Variants in ATG4C observed in about 807,000 individuals in gnomAD.
ATG4C encodes the protein cysteine protease ATG4C.
In ATG4C, 56 loss-of-function variants were observed where a neutral mutation model predicts 57.6. That is an observed-to-expected ratio of 0.97 (90% CI 0.78 to 1.21). The LOEUF (loss-of-function observed/expected upper bound fraction) is 1.21, where lower values mean the gene tolerates loss of function less well. Among genes scored for constraint, ATG4C ranks in the 50% most tolerant of loss-of-function variants. The pLI is 0.00. For synonymous variants in ATG4C, 157 were observed against 174.1 expected (o/e 0.90, Z 0.78); for missense variants, 595 against 529.8 (o/e 1.12, Z -1.21).
chr1:62,829,408 A>G (rs1279216667), intron 7 of ATG4C, among the ~76,000 whole-genome samples: 1 of 152,124 alleles, frequency 6.6e-6, no homozygotes, highest in African/African-American at 2.4e-5. Flanking sequence ...GTAGCTAATC[A>G]GGGAGACACA....
At chr1:62,823,088 G>A (rs763186809) in intron 6 of ATG4C, among the ~76,000 whole-genome samples, 29 of 152,142 alleles carry the variant, frequency 1.9e-4, no homozygotes, top group African/African-American at 3.1e-4. Context: ...CCCTGAAGGC[G>A]GAGTTGCAGT....
chr1:62,828,347 C>T (rs928442459), intron 6 of ATG4C, among the ~76,000 whole-genome samples: 6 of 152,150 alleles, frequency 3.9e-5, no homozygotes, highest in African/African-American at 1.4e-4. Flanking sequence ...GCCATTCTGA[C>T]TGGTGTGAGA....
At chr1:62,825,234 TA>T (rs71045856) in intron 6 of ATG4C, among the ~76,000 whole-genome samples, 28,287 of 126,472 alleles carry the variant, frequency 0.22, 3,734 homozygotes, top group African/African-American at 0.41. Context: ...AGACTCCGTC[TA>T]AAAAAAAAAA....
At chr1:62,808,324 G>T (rs1160442579) in intron 3 of ATG4C, among the ~76,000 whole-genome samples, 1 of 152,174 alleles carries the variant, frequency 6.6e-6, no homozygotes, top group Non-Finnish European at 1.5e-5. Context: ...GATAGTGTTG[G>T]TAACCAAAAG....
intron 3 of ATG4C, among the ~76,000 whole-genome samples, chr1:62,808,325 T>C (rs1002884239): frequency 3.3e-5 from 5 of 152,148 alleles, no homozygotes; most frequent in African/African-American, 9.7e-5. Flanking sequence ...ATAGTGTTGG[T>C]AACCAAAAGT....
intron 10 of ATG4C, among the ~76,000 whole-genome samples, chr1:62,847,312 G>A (rs191810034): frequency 4.9e-4 from 74 of 152,312 alleles, no homozygotes; most frequent in Middle Eastern, 3.4e-3. Context: ...TGTTCATTTT[G>A]TTGAATGTCT....
intron 10 of ATG4C, among the ~76,000 whole-genome samples, chr1:62,858,774 TAA>T (rs2100366463): frequency 6.6e-6 from 1 of 152,310 alleles, no homozygotes; most frequent in South Asian, 2.1e-4. Context: ...AGTATTTTTT[TAA>T]GAGAGTGTTT....
intron 6 of ATG4C, among the ~76,000 whole-genome samples, chr1:62,823,167 T>C (rs1441208014): frequency 6.6e-6 from 1 of 152,148 alleles, no homozygotes; most frequent in Non-Finnish European, 1.5e-5. Flanking sequence ...AAAACATTTC[T>C]AACCCTACCT....
chr1:62,790,327 A>C lies in ATG4C; in HGVS notation c.-69+6054A>C, dbSNP rs116298801. Among the ~76,000 whole-genome samples the C allele has an allele frequency of 4.9e-3, 747 of 152,328 alleles. 9 individuals carry two copies. The highest frequency in any genetic ancestry group is 0.017 in the African/African-American group (715 of 41,570). ...TTCCTGTTTATATCTCTGTTTTCCC[A>C]AAGAGAGAATTCTGATTCTCAATTA... On this transcript the variant is annotated intron_variant, in intron 1 of 10. Transcript: ENST00000317868.
In ATG4C at chr1:62,790,801, A is replaced by G. The variant is rs114954308; in HGVS notation, c.-69+6528A>G. On this transcript the variant is annotated intron_variant, in intron 1 of 10. Transcript: ENST00000317868. ...ATATTTAAAATTAGGAGTGCAAGAA[A>G]AGTGACATCAAGTGATTCCATTTGT... Among the ~76,000 whole-genome samples, 1,379 of 152,342 alleles carry G rather than the reference A, an allele frequency of 9.1e-3. 21 individuals carry two copies. Among genetic ancestry groups the G allele is most frequent in the African/African-American group, 0.031 (1,299 of 41,588 alleles).
At chr1:62,785,648 A>G (rs1268941395) in intron 1 of ATG4C, among the ~76,000 whole-genome samples, 6 of 152,178 alleles carry the variant, frequency 3.9e-5, no homozygotes, top group Admixed American at 2.6e-4. Flanking sequence ...ATGAGTTTGC[A>G]GCTCGTTTTC....
intron 10 of ATG4C, among the ~76,000 whole-genome samples, chr1:62,861,297 A>T (rs1487291703): frequency 9.2e-5 from 14 of 152,106 alleles, no homozygotes; most frequent in Non-Finnish European, 2.9e-5. Flanking sequence ...TGTAATCCCA[A>T]CACTTTGGGA....
chr1:62,793,172 C>T (rs966314015), intron 1 of ATG4C, among the ~76,000 whole-genome samples: 1 of 151,958 alleles, frequency 6.6e-6, no homozygotes, highest in African/African-American at 2.4e-5. Flanking sequence ...AGGCGTGAGC[C>T]ACCGCGCCCG....
At chr1:62,847,995 C>T (rs1023539504) in intron 10 of ATG4C, among the ~76,000 whole-genome samples, 1 of 152,176 alleles carries the variant, frequency 6.6e-6, no homozygotes, top group African/African-American at 2.4e-5. Context: ...AATAATCTTC[C>T]TCCCTACCTC....
rs768820355 is a variant in ATG4C, at chr1:62,864,134, G to A, written c.1352G>A (p.Ser451Asn). The A allele has an allele frequency of 8.7e-6, 14 of 1,603,474 alleles. No homozygotes were observed. The highest frequency in any genetic ancestry group is 1.1e-5 in the Non-Finnish European group (13 of 1,176,796). ...GAAAAGAAACAATTAAAAAGATTTAGCACGGAAGAGTTTGTCTTGCTTTAA... is the reference window on the plus strand; with the variant it reads ...GAAAAGAAACAATTAAAAAGATTTAACACGGAAGAGTTTGTCTTGCTTTAA... ...EDEKKQLKRF[S>N]TEEFVLL The change falls in exon 11 of 11, where the codon AGC becomes AAC. Residue 451 changes from serine (S) to asparagine (N), a missense_variant. Transcript: ENST00000317868.
In ATG4C at chr1:62,816,592, C is replaced by T. The variant is rs201187530; in HGVS notation, c.178C>T (p.Pro60Ser). ...TTTTTTAGATGAAGATAAAACGTTACCTGCAGAGTCGGGATGTACAATAGA... is the reference window on the plus strand; with the variant it reads ...TTTTTTAGATGAAGATAAAACGTTATCTGCAGAGTCGGGATGTACAATAGA... ...FKYEDEDKTL[P>S]AESGCTIEDH... is the part of the protein sequence containing the mutation. Residue 60 changes from proline (P) to serine (S), a missense_variant, in exon 4 of 11, where the codon CCT becomes TCT. Coordinates refer to ENST00000317868, the MANE Select transcript of ATG4C (RefSeq NM_032852.4). 1.6e-4 allele frequency: 259 copies of T among 1,608,750 alleles called. 1 individual carries two copies. In the Middle Eastern group the frequency reaches 2.2e-3, roughly 13 times the overall value.
intron 1 of ATG4C, among the ~76,000 whole-genome samples, chr1:62,792,955 C>T (rs1046873213): frequency 6.6e-6 from 1 of 150,418 alleles, no homozygotes; most frequent in Non-Finnish European, 1.5e-5. Context: ...GGCGCGATGT[C>T]GGCTCACTGC....
intron 1 of ATG4C, among the ~76,000 whole-genome samples, chr1:62,801,626 C>T (rs1418716908): frequency 6.6e-6 from 1 of 150,708 alleles, no homozygotes; most frequent in Non-Finnish European, 1.5e-5. Context: ...CCACTGTACT[C>T]CAGCCTGGGA....
chr1:62,845,924 AT>A (rs1007950173), intron 10 of ATG4C, among the ~76,000 whole-genome samples: 2 of 152,116 alleles, frequency 1.3e-5, no homozygotes, highest in African/African-American at 2.4e-5. Context: ...CTGGTCTTGA[AT>A]TCCTGACCTC....
Sources: gnomAD v4.1 joint callset for allele counts (sites outside exome capture counted in the v4.1 genomes callset) on GRCh38, gnomAD v4.1.1 for gene constraint, MANE v1.5 for transcripts, NCBI Gene and HGNC (gene_info 2026-07-23, HGNC 2026-07-21) for gene names.